SLC9A9: variants seen among roughly 807,000 people sequenced by gnomAD.
SLC9A9 encodes sodium/hydrogen exchanger 9.
In SLC9A9, 62 loss-of-function variants were observed where a neutral mutation model predicts 77.8. The observed-to-expected ratio is 0.80, with a 90% CI of 0.65 to 0.98. SLC9A9 has a LOEUF of 0.98. Among genes scored for constraint, SLC9A9 ranks in the 50% least tolerant of loss-of-function variants. The pLI is 0.00. For synonymous variants in SLC9A9, 320 were observed against 283.5 expected (o/e 1.13, Z -1.29); for missense variants, 775 against 774.9 (o/e 1.00, Z 0.00).
At chr3:143,413,039 C>G (rs563655726) in intron 12 of SLC9A9, among the ~76,000 whole-genome samples, 17 of 152,292 alleles carry the variant, frequency 1.1e-4, no homozygotes, top group South Asian at 1.0e-3. Context: ...TTACAGAAAA[C>G]GCCTCTGAAT....
intron 14 of SLC9A9, among the ~76,000 whole-genome samples, chr3:143,359,541 G>T (rs965184425): frequency 1.3e-5 from 2 of 152,194 alleles, no homozygotes; most frequent in African/African-American, 4.8e-5. Flanking sequence ...GGGCCTGGGT[G>T]CAGAAGGGTG....
intron 14 of SLC9A9, among the ~76,000 whole-genome samples, chr3:143,340,774 A>G (rs2032074169): frequency 6.6e-6 from 1 of 152,216 alleles, no homozygotes; most frequent in Non-Finnish European, 1.5e-5. Context: ...CTCACTAAAG[A>G]TTCTCTTAAC....
intron 6 of SLC9A9, among the ~76,000 whole-genome samples, chr3:143,645,953 GT>G (rs770705379): frequency 3.9e-5 from 6 of 151,972 alleles, no homozygotes; most frequent in Non-Finnish European, 8.8e-5. Flanking sequence ...TTATGAGTAG[GT>G]TTCAGTACAA....
intron 5 of SLC9A9, among the ~76,000 whole-genome samples, chr3:143,690,438 C>G (rs1933425892): frequency 6.6e-6 from 1 of 152,118 alleles, no homozygotes; most frequent in African/African-American, 2.4e-5. Flanking sequence ...CTAAATTTCT[C>G]TCTTAGAAAA....
chr3:143,358,862 GAC>G (rs2032661990), intron 14 of SLC9A9, among the ~76,000 whole-genome samples: 1 of 152,208 alleles, frequency 6.6e-6, no homozygotes, highest in African/African-American at 2.4e-5. Context: ...ATGTCACTCA[GAC>G]AGAGAATGGC....
intron 9 of SLC9A9, among the ~76,000 whole-genome samples, chr3:143,510,660 T>C (rs2036101311): frequency 1.3e-5 from 2 of 152,234 alleles, no homozygotes; most frequent in African/African-American, 4.8e-5. Context: ...ATACTAATTA[T>C]GCCCATTTTA....
At chr3:143,369,654 TAA>T (rs775120069) in intron 13 of SLC9A9, among the ~76,000 whole-genome samples, 2 of 151,732 alleles carry the variant, frequency 1.3e-5, no homozygotes, top group Non-Finnish European at 2.9e-5. Flanking sequence ...ATTTTAAAAT[TAA>T]AAAAAAATCT....
chr3:143,450,648 C>T (rs2034990630), intron 12 of SLC9A9, among the ~76,000 whole-genome samples: 1 of 152,146 alleles, frequency 6.6e-6, no homozygotes, highest in Admixed American at 6.6e-5. Context: ...CACATGCCAT[C>T]CTCCTTTCCT....
At chr3:143,702,454 T>C (rs1685716138) in intron 4 of SLC9A9, among the ~76,000 whole-genome samples, 1 of 152,100 alleles carries the variant, frequency 6.6e-6, no homozygotes, top group South Asian at 2.1e-4. Context: ...TTATAGGCTC[T>C]CTTTGCTTAT....
chr3:143,769,697 A>G (rs1438865289), intron 4 of SLC9A9, among the ~76,000 whole-genome samples: 1 of 152,196 alleles, frequency 6.6e-6, no homozygotes, highest in Non-Finnish European at 1.5e-5. Flanking sequence ...CCCAATACTG[A>G]CCTGAAACAT....
chr3:143,479,202 A>G (rs551000787), intron 11 of SLC9A9, among the ~76,000 whole-genome samples: 2 of 152,328 alleles, frequency 1.3e-5, no homozygotes, highest in East Asian at 3.9e-4. Flanking sequence ...GGGGCACAAT[A>G]TATTTTACTC....
intron 11 of SLC9A9, among the ~76,000 whole-genome samples, chr3:143,473,210 G>T (rs2035409735): frequency 6.6e-6 from 1 of 152,110 alleles, no homozygotes; most frequent in Non-Finnish European, 1.5e-5. Flanking sequence ...CCACTCTCTG[G>T]TCTTGGCCTC....
intron 6 of SLC9A9, among the ~76,000 whole-genome samples, chr3:143,589,644 T>C (rs2037614717): frequency 6.6e-6 from 1 of 152,184 alleles, no homozygotes; most frequent in Non-Finnish European, 1.5e-5. Context: ...GATGATAAAA[T>C]AGCCTAACAA....
intron 4 of SLC9A9, among the ~76,000 whole-genome samples, chr3:143,722,891 T>G (rs556653517): frequency 6.6e-6 from 1 of 152,326 alleles, no homozygotes; most frequent in African/African-American, 2.4e-5. Context: ...ACCAATAACT[T>G]GGCTGTCTCC....
intron 6 of SLC9A9, among the ~76,000 whole-genome samples, chr3:143,608,736 A>T (rs1559991403): frequency 6.6e-6 from 1 of 152,210 alleles, no homozygotes; most frequent in Non-Finnish European, 1.5e-5. Flanking sequence ...GACATAACGC[A>T]TATGAAAAAC....
chr3:143,454,692 C>T (rs1302636088), intron 12 of SLC9A9, among the ~76,000 whole-genome samples: 2 of 152,158 alleles, frequency 1.3e-5, no homozygotes, highest in African/African-American at 4.8e-5. Flanking sequence ...AATGAAGGTA[C>T]TGGCTAGGCT....
chr3:143,295,480 C>G (rs1399195009), intron 14 of SLC9A9, among the ~76,000 whole-genome samples: 1 of 152,132 alleles, frequency 6.6e-6, no homozygotes, highest in African/African-American at 2.4e-5. Flanking sequence ...AACCTGATTC[C>G]TCTTTTGTTA....
intron 3 of SLC9A9, 31 bp downstream of exon 3, chr3:143,796,795 T>A (rs2008397432): frequency 6.7e-7 from 1 of 1,500,764 alleles, no homozygotes; most frequent in Non-Finnish European, 9.2e-7. Context: ...TACTTAATGA[T>A]AAAAGAAGAA....
chr3:143,322,471 A>T (rs1360049909), intron 14 of SLC9A9, among the ~76,000 whole-genome samples: 1 of 152,118 alleles, frequency 6.6e-6, no homozygotes, highest in Non-Finnish European at 1.5e-5. Context: ...TCAGCTTACC[A>T]AGTGTGGATC....
Sources: gnomAD v4.1 joint callset for allele counts (sites outside exome capture counted in the v4.1 genomes callset) on GRCh38, gnomAD v4.1.1 for gene constraint, MANE v1.5 for transcripts, NCBI Gene and HGNC (gene_info 2026-07-23, HGNC 2026-07-21) for gene names.